The following SEMA5B variants were observed in gnomAD, a reference collection of about 807,000 sequenced individuals.
The protein encoded by SEMA5B is semaphorin 5B, also known as semaphorin-5B.
Under a neutral mutation model 135.0 loss-of-function variants are expected in SEMA5B, and 66 were observed. That is an observed-to-expected ratio of 0.49 (90% CI 0.40 to 0.60). The LOEUF (loss-of-function observed/expected upper bound fraction) is 0.60, where lower values mean the gene tolerates loss of function less well. Among genes scored for constraint, SEMA5B ranks in the 20% least tolerant of loss-of-function variants. The probability of loss-of-function intolerance (pLI) is 0.00; values close to 1 mark genes in which losing one functional copy is unlikely to be tolerated. For synonymous variants in SEMA5B, 690 were observed against 639.5 expected (o/e 1.08, Z -1.19); for missense variants, 1,501 against 1,566.3 (o/e 0.96, Z 0.70).
intron 1 of SEMA5B, among the ~76,000 whole-genome samples, chr3:122,989,570 G>T (rs1941810312): frequency 6.6e-6 from 1 of 152,186 alleles, no homozygotes; most frequent in Admixed American, 6.5e-5. Flanking sequence ...TCCACTTTGG[G>T]TAATCCTCAT....
chr3:122,987,806 A>G (rs1941748189), intron 1 of SEMA5B, among the ~76,000 whole-genome samples: 1 of 152,138 alleles, frequency 6.6e-6, no homozygotes, highest in Non-Finnish European at 1.5e-5. Context: ...AAAAATCAGG[A>G]CATAAGTAGT....
intron 1 of SEMA5B, among the ~76,000 whole-genome samples, chr3:122,964,033 G>A (rs967378477): frequency 5.3e-5 from 8 of 152,010 alleles, no homozygotes; most frequent in East Asian, 3.9e-4. Context: ...CTTCTCTTCC[G>A]GACTCCAGAC....
chr3:122,975,892 A>G (rs1391597805), intron 1 of SEMA5B: 1 of 1,419,320 alleles, frequency 7.0e-7, no homozygotes, highest in Non-Finnish European at 9.4e-7. Flanking sequence ...AGGACTCTCC[A>G]TCTGCCTCAG....
intron 17 of SEMA5B, 46 bp from the exon 18 acceptor site, chr3:122,913,107 A>AC: frequency 7.0e-7 from 1 of 1,418,558 alleles, no homozygotes; most frequent in Non-Finnish European, 9.2e-7. Flanking sequence ...GGCCACCCCG[A>AC]CCCCGGCCTG....
At chr3:122,982,526 T>G (rs1348160210) in intron 1 of SEMA5B, among the ~76,000 whole-genome samples, 1 of 152,220 alleles carries the variant, frequency 6.6e-6, no homozygotes. Flanking sequence ...CTCCCGCCCA[T>G]TACGGGGATA....
At chr3:123,019,450 A>T (rs893934050) in intron 1 of SEMA5B, among the ~76,000 whole-genome samples, 2 of 152,124 alleles carry the variant, frequency 1.3e-5, no homozygotes, top group East Asian at 1.9e-4. Flanking sequence ...TTAGTCAGGC[A>T]TGGTGATGCA....
chr3:123,012,304 C>T (rs1942453828), intron 1 of SEMA5B, among the ~76,000 whole-genome samples: 1 of 152,184 alleles, frequency 6.6e-6, no homozygotes. Context: ...CTTTCACCCA[C>T]CCCTAAGGCT....
At chr3:122,911,069 A>G (rs369187964) in intron 21 of SEMA5B, 24 bp from the exon 22 acceptor site, 12 of 1,579,896 alleles carry the variant, frequency 7.6e-6, no homozygotes, top group Non-Finnish European at 1.0e-5. Context: ...GGCAGGTAGT[A>G]AGATGAGGGC....
intron 5 of SEMA5B, among the ~76,000 whole-genome samples, chr3:122,932,328 A>G (rs1339399144): frequency 7.4e-6 from 1 of 134,354 alleles, no homozygotes; most frequent in African/African-American, 2.8e-5. Context: ...ATCATGGCTC[A>G]CTGCGGCCTC....
At chr3:122,918,993 C>CT (rs63373262) in intron 12 of SEMA5B, among the ~76,000 whole-genome samples, 1,990 of 80,336 alleles carry the variant, frequency 0.025, 34 homozygotes, top group Non-Finnish European at 0.031. Context: ...ATCACCATGT[C>CT]TTTTTTTTTT....
intron 1 of SEMA5B, among the ~76,000 whole-genome samples, chr3:123,022,702 C>T (rs967744856): frequency 1.3e-5 from 2 of 152,172 alleles, no homozygotes; most frequent in African/African-American, 4.8e-5. Flanking sequence ...GCCACCAAGT[C>T]GAATAATTTC....
intron 20 of SEMA5B, 40 bp from the exon 21 acceptor site, chr3:122,911,575 C>G (rs752472323): frequency 6.3e-7 from 1 of 1,590,808 alleles, no homozygotes; most frequent in Non-Finnish European, 8.6e-7. Flanking sequence ...GGGGCGGAGA[C>G]GAGAGGAGGG....
At chr3:122,954,792 C>CTTT (rs34786092) in intron 2 of SEMA5B, among the ~76,000 whole-genome samples, 4 of 129,940 alleles carry the variant, frequency 3.1e-5, no homozygotes, top group African/African-American at 8.5e-5. Context: ...GGGTGGTCAT[C>CTTT]TTTTTTTTTT....
intron 1 of SEMA5B, among the ~76,000 whole-genome samples, chr3:122,971,480 G>A (rs1941110965): frequency 6.6e-6 from 1 of 152,262 alleles, no homozygotes; most frequent in Non-Finnish European, 1.5e-5. Context: ...AGATGTGGCA[G>A]GTGATAATTC....
At chr3:122,961,705 G>C (rs1256319596) in intron 1 of SEMA5B, among the ~76,000 whole-genome samples, 1 of 152,076 alleles carries the variant, frequency 6.6e-6, no homozygotes, top group Non-Finnish European at 1.5e-5. Flanking sequence ...AGAGCTTCCT[G>C]CCTCAGCCTC....
intron 1 of SEMA5B, among the ~76,000 whole-genome samples, chr3:122,966,569 T>A (rs984368097): frequency 1.5e-5 from 2 of 130,968 alleles, no homozygotes; most frequent in African/African-American, 7.4e-5. Flanking sequence ...TATTATTATT[T>A]TTTGAGACGG....
At chr3:122,934,136 G>T (rs55904361) in intron 5 of SEMA5B, among the ~76,000 whole-genome samples, 1 of 150,766 alleles carries the variant, frequency 6.6e-6, no homozygotes, top group East Asian at 1.9e-4. Context: ...CGAACTCCTG[G>T]TCTCAGGTGA....
chr3:122,961,222 G>T lies in SEMA5B; in HGVS notation c.42C>A (p.Leu14=). The part of the protein sequence containing the change: ...GFSPSPVAHH[L]VPGPPDTPAQ... ...CTGGGGTATCAGGCGGCCCAGGGACGAGGTGGTGGGCAACAGGAGACGGAC... is the reference window on the plus strand; with the variant it reads ...CTGGGGTATCAGGCGGCCCAGGGACTAGGTGGTGGGCAACAGGAGACGGAC... Residue 14 remains leucine, a synonymous_variant, in exon 2 of 23, where the codon CTC becomes CTA. Coordinates refer to ENST00000357599, the MANE Select transcript of SEMA5B (RefSeq NM_001031702.4). 6.2e-7 allele frequency: 1 copy of T among 1,614,038 alleles called. No homozygotes were observed. The highest frequency in any genetic ancestry group is 8.5e-7 in the Non-Finnish European group (1 of 1,179,940).
chr3:122,975,297 CT>C (rs1273867171), intron 1 of SEMA5B: 2 of 152,550 alleles, frequency 1.3e-5, no homozygotes, highest in Non-Finnish European at 2.9e-5. Context: ...GGATGCTCCC[CT>C]GTCCAGCTGC....
Sources: allele counts gnomAD v4.1 joint callset (sites outside exome capture counted in the v4.1 genomes callset), GRCh38; gene constraint gnomAD v4.1.1; transcripts MANE v1.5; gene names NCBI Gene and HGNC (gene_info 2026-07-23, HGNC 2026-07-21).